Variants in NPAS3 observed in about 807,000 individuals in gnomAD.
NPAS3 encodes neuronal PAS domain-containing protein 3.
Under a neutral mutation model 73.1 loss-of-function variants are expected in NPAS3, and 14 were observed. The observed-to-expected ratio is 0.19, with a 90% confidence interval of 0.13 to 0.30. NPAS3 has a LOEUF of 0.30. Ranked by LOEUF, NPAS3 falls within the 10% of genes least tolerant of loss-of-function variation. The pLI is 1.00. For missense variants in NPAS3, 1,096 were observed against 1,250.0 expected, an observed-to-expected ratio of 0.88 and a Z score of 1.86; for synonymous variants, 620 against 541.5, an observed-to-expected ratio of 1.14 and a Z score of -2.01.
In NPAS3 at chr14:33,151,655, TACAA is replaced by T. The variant is rs563082528; in HGVS notation, c.141-63522_141-63519del. On this transcript the variant is annotated intron_variant, in intron 2 of 11. Coordinates refer to ENST00000356141, the Ensembl canonical transcript of NPAS3. The stretch of plus-strand genomic sequence containing the variant: ...TCCAGTTATTTATTCTTTTTGCTAT[TACAA>T]ACAATGTCACAAATAATAACTGAAT... 3.7e-3 allele frequency among the ~76,000 whole-genome samples: 569 copies of T among 152,340 alleles called. 3 individuals are homozygous for T. Among genetic ancestry groups the T allele is most frequent in the African/African-American group, 0.013 (523 of 41,572 alleles).
chr14:33,447,092 C>A (rs1273560091), intron 4 of NPAS3, among the ~76,000 whole-genome samples: 1 of 152,196 alleles, frequency 6.6e-6, no homozygotes, highest in African/African-American at 2.4e-5. Context: ...GAGAGATAGA[C>A]CTGTAATAGC....
At chr14:33,552,861 G>C (rs2055183430) in intron 4 of NPAS3, among the ~76,000 whole-genome samples, 1 of 152,140 alleles carries the variant, frequency 6.6e-6, no homozygotes. Context: ...AATTCAATGA[G>C]AGAGAAGCAC....
At chr14:33,202,096 G>T (rs1471857293) in intron 2 of NPAS3, among the ~76,000 whole-genome samples, 1 of 151,910 alleles carries the variant, frequency 6.6e-6, no homozygotes, top group East Asian at 1.9e-4. Flanking sequence ...TTAAACATTT[G>T]TTTTCTATAT....
At chr14:32,937,717 C>T (rs1365856277), upstream of NPAS3, among the ~76,000 whole-genome samples, 1 of 152,110 alleles carries the variant, frequency 6.6e-6, no homozygotes, top group African/African-American at 2.4e-5. Flanking sequence ...TTATTTTTTT[C>T]TTAAGCTTAA....
chr14:33,170,699 G>T (rs2045357049), intron 2 of NPAS3, among the ~76,000 whole-genome samples: 1 of 152,120 alleles, frequency 6.6e-6, no homozygotes, highest in Non-Finnish European at 1.5e-5. Flanking sequence ...AAGTTTCTTT[G>T]CTCATCCATA....
intron 2 of NPAS3, among the ~76,000 whole-genome samples, chr14:33,174,147 T>G (rs10133619): frequency 0.41 from 61,662 of 152,008 alleles, 12,662 homozygotes; most frequent in South Asian, 0.53. Context: ...AGCCCTGGAG[T>G]ACTCTGTCCT....
chr14:33,215,318 A>C, exon 3 of NPAS3: 1 of 1,573,296 alleles, frequency 6.4e-7, no homozygotes, highest in Non-Finnish European at 8.7e-7. Context: ...CAAGGCATCC[A>C]TCATTCGACT....
chr14:32,934,891 G>GCGGCCGGCGGGGCGGCCGCGGGGGTGC (rs2138989026), upstream of NPAS3: 1 of 887,362 alleles, frequency 1.1e-6, no homozygotes. The surrounding 1 kb of genome is among the most constrained non-coding windows in gnomAD (Gnocchi z 4.1). Context: ...GACGGCCGCG[G>GCGGCCGGCGGGGCGGCCGCGGGGGTGC]CGGCCGGCGG....
chr14:33,735,312 A>C, exon 7 of NPAS3: 1 of 1,612,992 alleles, frequency 6.2e-7, no homozygotes, highest in East Asian at 2.2e-5. Context: ...CGGTGTGCAC[A>C]TCAAATCATC....
At chr14:32,988,134 T>A (rs141902212) in intron 1 of NPAS3, among the ~76,000 whole-genome samples, 2 of 152,294 alleles carry the variant, frequency 1.3e-5, no homozygotes, top group African/African-American at 2.4e-5. Context: ...AAACATTGAT[T>A]TGGTGATTTG....
chr14:33,801,106 C>T lies in NPAS3; in HGVS notation c.2799C>T (p.Asp933=), dbSNP rs774381113. 5.7e-6 allele frequency: 9 copies of T among 1,579,794 alleles called. No homozygotes were observed. The African/African-American group carries it at 1.1e-4, about 19-fold the overall frequency. The change falls in exon 12 of 12, where the codon GAC becomes GAT. Residue 933 remains aspartate, a synonymous_variant. Transcript: ENST00000356141. ...CACAGACTCTGGAGCGCAAGGAGGACTGAGGCGCCGCCCGTCCTGGGCCCG... is the reference window on the plus strand; with the variant it reads ...CACAGACTCTGGAGCGCAAGGAGGATTGAGGCGCCGCCCGTCCTGGGCCCG...
chr14:33,575,340 GA>G (rs1327750715), intron 5 of NPAS3, among the ~76,000 whole-genome samples: 1 of 152,098 alleles, frequency 6.6e-6, no homozygotes, highest in East Asian at 1.9e-4. Context: ...GAGTTGAAAG[GA>G]AAAAATTGAG....
At chr14:33,118,971 A>G (rs1279321) in intron 2 of NPAS3, among the ~76,000 whole-genome samples, 134,741 of 151,706 alleles carry the variant, frequency 0.89, 59,921 homozygotes, top group Middle Eastern at 0.97. Context: ...AAGTTTAACC[A>G]TACAGCTGTT....
chr14:33,348,980 C>G (rs1203990770), intron 3 of NPAS3, among the ~76,000 whole-genome samples: 1 of 152,164 alleles, frequency 6.6e-6, no homozygotes, highest in Non-Finnish European at 1.5e-5. Context: ...CCAGGGTCCT[C>G]TCATTGCCCG....
At chr14:33,597,787 G>T (rs1014937454) in intron 5 of NPAS3, among the ~76,000 whole-genome samples, 3 of 152,340 alleles carry the variant, frequency 2.0e-5, no homozygotes, top group Admixed American at 6.5e-5. Flanking sequence ...AAAGTATCTG[G>T]TTTTTTAAAG....
At chr14:33,798,089 G>A (rs1219758186) in intron 11 of NPAS3, among the ~76,000 whole-genome samples, 1 of 152,068 alleles carries the variant, frequency 6.6e-6, no homozygotes, top group Admixed American at 6.5e-5. Flanking sequence ...AAGAGAGTCT[G>A]TGACTTTGAG....
At chr14:33,578,655 A>T (rs919151718) in intron 5 of NPAS3, among the ~76,000 whole-genome samples, 5 of 152,224 alleles carry the variant, frequency 3.3e-5, no homozygotes, top group African/African-American at 1.2e-4. Flanking sequence ...GATTTTGCTC[A>T]TATGTTAATA....
intron 1 of NPAS3, among the ~76,000 whole-genome samples, chr14:32,974,823 C>T (rs1383590203): frequency 4.6e-5 from 7 of 152,148 alleles, no homozygotes; most frequent in Admixed American, 4.6e-4. Context: ...AGCCACATGC[C>T]TACCTTTAAT....
chr14:33,262,673 A>G (rs530475017), intron 3 of NPAS3, among the ~76,000 whole-genome samples: 2 of 152,202 alleles, frequency 1.3e-5, no homozygotes, highest in Non-Finnish European at 2.9e-5. Flanking sequence ...TTATAAAGGA[A>G]ATATTCCAAG....
Sources: allele counts gnomAD v4.1 joint callset (sites outside exome capture counted in the v4.1 genomes callset), GRCh38; gene constraint gnomAD v4.1.1; non-coding constraint Gnocchi (gnomAD v3.1); transcripts MANE v1.5; gene names NCBI Gene and HGNC (gene_info 2026-07-23, HGNC 2026-07-21).